The following AADAT variants were observed in gnomAD, a reference collection of about 807,000 sequenced individuals.
AADAT encodes the protein aminoadipate aminotransferase, also known as kynurenine/alpha-aminoadipate aminotransferase, mitochondrial.
Under a neutral mutation model 56.2 loss-of-function variants are expected in AADAT, and 25 were observed. The observed-to-expected ratio is 0.44, with a 90% CI of 0.32 to 0.62. The LOEUF is 0.62. Among genes scored for constraint, AADAT ranks in the 20% least tolerant of loss-of-function variants. AADAT has a pLI of 0.04. For missense variants in AADAT, 387 were observed against 510.5 expected (o/e 0.76, Z 2.33); for synonymous variants, 173 against 164.7 (o/e 1.05, Z -0.39).
In AADAT at chr4:170,088,391, C is replaced by G. The variant is rs1732666519; in HGVS notation, c.236+5G>C. ...AATAAAATTATGTTAAGTATTGATA[C>G]TTACCCAGCACTCGGAGAATACTGA... On this transcript the variant is annotated splice_donor_5th_base_variant and intron_variant, in intron 2 of 12. Transcript: ENST00000337664. 3 of 1,586,774 alleles carry G rather than the reference C, an allele frequency of 1.9e-6. No homozygotes were observed. Among genetic ancestry groups the G allele is most frequent in the Admixed American group, 3.4e-5 (2 of 59,536 alleles).
upstream of AADAT, among the ~76,000 whole-genome samples, chr4:170,093,186 T>C (rs936134444): frequency 1.8e-4 from 27 of 152,124 alleles, no homozygotes; most frequent in African/African-American, 6.0e-4. Flanking sequence ...CCCAGCACTT[T>C]GGGAGGCCAA....
In AADAT at chr4:170,089,868, C is replaced by G. The variant is rs550424675; in HGVS notation, c.-178G>C. 26 of 630,806 alleles carry G rather than the reference C, an allele frequency of 4.1e-5. No individual in the cohort carries two copies. The highest frequency in any genetic ancestry group is 2.7e-4 in the African/African-American group (15 of 54,904). 39.1% of individuals were successfully genotyped at this position (630,806 alleles called of 1,614,324 possible). A position where few individuals can be genotyped will look rare whatever the true frequency, so the allele number is the denominator to read the frequency against. ...GCCCGGAGAACGCCGCCGAAACTCC[C>G]CGGCTGGACGCTGCGTTCGGTCTCC... On this transcript the variant is annotated 5_prime_UTR_variant, in exon 1 of 13. Coordinates refer to ENST00000337664, the MANE Select transcript of AADAT (RefSeq NM_016228.4).
chr4:170,063,109 A>T (rs1298140228), intron 11 of AADAT, among the ~76,000 whole-genome samples: 3 of 152,208 alleles, frequency 2.0e-5, no homozygotes, highest in African/African-American at 2.4e-5. Context: ...TACTCTGGGC[A>T]AAAGATTTCA....
intron 3 of AADAT, among the ~76,000 whole-genome samples, chr4:170,082,018 A>T (rs747632836): frequency 2.0e-5 from 3 of 152,238 alleles, no homozygotes; most frequent in Non-Finnish European, 4.4e-5. Context: ...TGCTAAAGGG[A>T]GTTCTCCAAC....
At chr4:170,062,775 A>C (rs1410665551) in intron 11 of AADAT, among the ~76,000 whole-genome samples, 1 of 152,200 alleles carries the variant, frequency 6.6e-6, no homozygotes, top group African/African-American at 2.4e-5. Context: ...GGCCCATACA[A>C]ATCATCCCAT....
Position 170,070,578 on chromosome 4 carries a change from A to C in AADAT, c.720+9T>G, listed in dbSNP as rs372562520. ...TCTAATAGTGAAGTAAGTTCACATAATCACTTACCTTGTTAAACTGGAGAA... is the reference window on the plus strand; with the variant it reads ...TCTAATAGTGAAGTAAGTTCACATACTCACTTACCTTGTTAAACTGGAGAA... On this transcript the variant is annotated intron_variant, in intron 6 of 12. Coordinates refer to ENST00000337664, the MANE Select transcript of AADAT (RefSeq NM_016228.4). 2.2e-4 allele frequency: 340 copies of C among 1,568,454 alleles called. No homozygotes were observed. Among genetic ancestry groups the C allele is most frequent in the Non-Finnish European group, 2.8e-4 (322 of 1,144,416 alleles).
chr4:170,072,104 C>T (rs1004061406), intron 5 of AADAT, among the ~76,000 whole-genome samples: 18 of 151,928 alleles, frequency 1.2e-4, no homozygotes, highest in Non-Finnish European at 1.9e-4. Flanking sequence ...TCATCGTGTA[C>T]GTAATGGAAT....
chr4:170,070,502 A>C (rs1731704811), intron 6 of AADAT, 85 bp downstream of exon 6: 1 of 889,766 alleles, frequency 1.1e-6, no homozygotes, highest in Admixed American at 2.5e-5. Flanking sequence ...GTTCTGACTC[A>C]GCAGTCAGCC....
chr4:170,069,279 C>T (rs1028968477), intron 6 of AADAT, 49 bp from the exon 7 acceptor site: 8 of 1,461,832 alleles, frequency 5.5e-6, no homozygotes, highest in Non-Finnish European at 7.6e-6. Context: ...CTCTGTTAGT[C>T]ACTGTACGAT....
Position 170,067,307 on chromosome 4 carries a change from T to A in AADAT, c.962+20A>T, listed in dbSNP as rs758004660. ...GGGCTCCTGTTTTGTTCATAAATAT[T>A]TAAAGAAATGATACAATACCTGTCT... On this transcript the variant is annotated intron_variant, in intron 9 of 12. Coordinates refer to ENST00000337664, the MANE Select transcript of AADAT (RefSeq NM_016228.4). 10 of 1,597,256 alleles carry A rather than the reference T, an allele frequency of 6.3e-6. No individual in the cohort carries two copies. Among genetic ancestry groups the A allele is most frequent in the East Asian group, 2.2e-5 (1 of 44,728 alleles).
chr4:170,073,455 T>C (rs1731871883), intron 4 of AADAT, 110 bp from the exon 5 acceptor site: 2 of 947,340 alleles, frequency 2.1e-6, no homozygotes, highest in Non-Finnish European at 3.1e-6. Context: ...CCCTTAAAAA[T>C]ATATAAACCC....
At chr4:170,068,498 C>G in intron 8 of AADAT, 93 bp downstream of exon 8, 1 of 882,208 alleles carries the variant, frequency 1.1e-6, no homozygotes, top group Non-Finnish European at 1.7e-6. Context: ...AGTCACTAAA[C>G]AGGTTTGGAG....
chr4:170,072,283 ATATATATGTGTGTGTG>A (rs2111169709), intron 5 of AADAT, among the ~76,000 whole-genome samples: 2 of 146,510 alleles, frequency 1.4e-5, no homozygotes, highest in South Asian at 2.2e-4. Flanking sequence ...GTGTGTGTGT[ATATATATGTGTGTGTG>A]TATATATATA....
chr4:170,092,935 T>G (rs569543367), upstream of AADAT, among the ~76,000 whole-genome samples: 7 of 152,360 alleles, frequency 4.6e-5, no homozygotes, highest in African/African-American at 1.7e-4. Flanking sequence ...CAGATCCTTA[T>G]GTGTTTGAGC....
intron 3 of AADAT, among the ~76,000 whole-genome samples, chr4:170,085,083 C>T (rs957100041): frequency 6.6e-6 from 1 of 152,242 alleles, no homozygotes; most frequent in Non-Finnish European, 1.5e-5. Context: ...TTGCTCATGA[C>T]TTTCTAATAC....
intron 4 of AADAT, among the ~76,000 whole-genome samples, chr4:170,075,039 T>C (rs1001174476): frequency 2.0e-5 from 3 of 152,200 alleles, no homozygotes; most frequent in Non-Finnish European, 4.4e-5. Context: ...ATGAAGCACA[T>C]CTACCATGAA....
At chr4:170,088,671 G>C (rs1732682337) in intron 1 of AADAT, 107 bp from the exon 2 acceptor site, 4 of 1,130,940 alleles carry the variant, frequency 3.5e-6, no homozygotes, top group Non-Finnish European at 5.1e-6. Context: ...ACGATTTCTA[G>C]TGATAGAGTG....
intron 11 of AADAT, 107 bp from the exon 12 acceptor site, chr4:170,062,100 C>A: frequency 6.2e-6 from 4 of 640,102 alleles, no homozygotes; most frequent in South Asian, 2.9e-5. Flanking sequence ...AGTTTAAAAG[C>A]AGTTAAAGAA....
intron 8 of AADAT, among the ~76,000 whole-genome samples, 155 bp downstream of exon 8, chr4:170,068,436 C>A (rs1731590244): frequency 6.6e-6 from 1 of 152,106 alleles, no homozygotes; most frequent in African/African-American, 2.4e-5. Context: ...AAAATGCATT[C>A]CAACCCATTT....
Sources: gnomAD v4.1 joint callset for allele counts (sites outside exome capture counted in the v4.1 genomes callset) on GRCh38, gnomAD v4.1.1 for gene constraint, MANE v1.5 for transcripts, NCBI Gene and HGNC (gene_info 2026-07-23, HGNC 2026-07-21) for gene names.